TFCP2: variants seen among roughly 807,000 people sequenced by gnomAD.
TFCP2 encodes the protein alpha-globin transcription factor CP2.
TFCP2 carries 33 observed loss-of-function variants against 73.4 expected under a neutral mutation model. The ratio of observed to expected loss-of-function variants is 0.45; its 90% CI spans 0.34 to 0.60. The LOEUF (loss-of-function observed/expected upper bound fraction) is 0.60, where lower values mean the gene tolerates loss of function less well. TFCP2 is among the 20% of genes least tolerant of loss of function. The probability of loss-of-function intolerance (pLI) is 0.01; values close to 1 mark genes in which losing one functional copy is unlikely to be tolerated. For synonymous variants in TFCP2, 193 were observed against 211.6 expected, an observed-to-expected ratio of 0.91 and a Z score of 0.76; for missense variants, 352 against 604.0, an observed-to-expected ratio of 0.58 and a Z score of 4.37.
At chr12:51,148,982 G>A (rs1174656047) in intron 1 of TFCP2, among the ~76,000 whole-genome samples, 15 of 117,936 alleles carry the variant, frequency 1.3e-4, no homozygotes, top group Non-Finnish European at 2.5e-4. Flanking sequence ...CCAAGACTGC[G>A]CTGCTGCACT....
chr12:51,120,734 G>C (rs1051919197), intron 1 of TFCP2, among the ~76,000 whole-genome samples: 7 of 151,842 alleles, frequency 4.6e-5, no homozygotes, highest in Non-Finnish European at 8.8e-5. Context: ...TTCAAGACCA[G>C]CTTGGCCAAC....
intron 2 of TFCP2, among the ~76,000 whole-genome samples, chr12:51,118,037 A>G (rs1421358371): frequency 6.6e-6 from 1 of 152,230 alleles, no homozygotes; most frequent in Non-Finnish European, 1.5e-5. Context: ...TTGGTAAATA[A>G]TAGAGCCAGG....
intron 1 of TFCP2, chr12:51,124,949 C>T (rs746633217): frequency 3.9e-6 from 3 of 763,486 alleles, no homozygotes; most frequent in Non-Finnish European, 2.4e-6. Context: ...CTGCTTGCTC[C>T]GTAAGGTCGT....
intron 12 of TFCP2, among the ~76,000 whole-genome samples, chr12:51,099,217 G>C (rs1303494618): frequency 1.3e-5 from 2 of 152,172 alleles, no homozygotes; most frequent in African/African-American, 4.8e-5. Flanking sequence ...TGGGTGTAGT[G>C]GTTTACACCT....
rs759066371 is a variant in TFCP2 at position 51,098,758 on chromosome 12, C to G, written c.1419+18G>C. The stretch of plus-strand genomic sequence containing the variant: ...AATTAATCATCATCTGGTAATTCAA[C>G]TGTACTGAAAAATCTACCTCATCAC... On this transcript the variant is annotated intron_variant, in intron 13 of 14. Transcript: ENST00000257915. 7 of 1,613,706 alleles carry G rather than the reference C, an allele frequency of 4.3e-6. No homozygotes were observed. Among genetic ancestry groups the G allele is most frequent in the Non-Finnish European group, 5.9e-6 (7 of 1,179,842 alleles).
chr12:51,107,111 C>G, intron 7 of TFCP2, 125 bp downstream of exon 7: 1 of 788,318 alleles, frequency 1.3e-6, no homozygotes, highest in Non-Finnish European at 2.1e-6. Flanking sequence ...CCGCTGGACA[C>G]AGAATCCATG....
intron 13 of TFCP2, among the ~76,000 whole-genome samples, chr12:51,096,555 A>G (rs566401437): frequency 6.6e-6 from 1 of 152,354 alleles, no homozygotes; most frequent in African/African-American, 2.4e-5. Flanking sequence ...GGTGAACGCT[A>G]ATAACTGAGC....
chr12:51,150,540 C>T (rs1157413163), intron 1 of TFCP2, among the ~76,000 whole-genome samples: 1 of 152,110 alleles, frequency 6.6e-6, no homozygotes, highest in Non-Finnish European at 1.5e-5. Flanking sequence ...TCTAAATACA[C>T]TGTCCATCAT....
chr12:51,104,184 GGT>G lies in TFCP2; in HGVS notation c.935_936del (p.His312ProfsTer11). On this transcript the variant is annotated frameshift_variant, in exon 9 of 15. Coordinates refer to ENST00000257915, the MANE Select transcript of TFCP2 (RefSeq NM_005653.5). LOFTEE classifies it high-confidence loss of function. ...GTGACTGGAGGGGGTGGCTCTGGCT[GGT>G]GGTTTGGTGAACCATTTCTAAAGAA... ...SLGEGNGSPN[H>X]QPEPPPPVTD... The G allele has an allele frequency of 6.2e-7, 1 of 1,613,984 alleles. No individual in the cohort carries two copies. Among genetic ancestry groups the G allele is most frequent in the Non-Finnish European group, 8.5e-7 (1 of 1,179,968 alleles).
At chr12:51,118,261 A>G (rs1940579591) in intron 2 of TFCP2, among the ~76,000 whole-genome samples, 1 of 152,214 alleles carries the variant, frequency 6.6e-6, no homozygotes, top group South Asian at 2.1e-4. Flanking sequence ...TACCTAATAA[A>G]ACATCATAAA....
chr12:51,100,447 C>T (rs1940082650), intron 11 of TFCP2, among the ~76,000 whole-genome samples: 1 of 152,158 alleles, frequency 6.6e-6, no homozygotes, highest in South Asian at 2.1e-4. Context: ...AATTATTTTT[C>T]CACAAGTCAT....
Position 51,132,357 on chromosome 12 carries a change from C to CTTTT in TFCP2, c.123-13589_123-13586dup, listed in dbSNP as rs869123355. Among the ~76,000 whole-genome samples the CTTTT allele has an allele frequency of 1.1e-3, 65 of 61,786 alleles. 18 individuals carry two copies. The highest frequency in any genetic ancestry group is 4.1e-3 in the Admixed American group (15 of 3,672). 40.5% of individuals were successfully genotyped at this position (61,786 alleles called of 152,430 possible). A position where few individuals can be genotyped will look rare whatever the true frequency, so the allele number is the denominator to read the frequency against. On this transcript the variant is annotated intron_variant, in intron 1 of 14. Transcript: ENST00000257915. Reference sequence around the variant, plus strand: ...TGCAAGTTCTGGTTTAGGGATTAGTCTTTTTTTTTTTTTTTTTTTTTTTTT... The same window carrying CTTTT: ...TGCAAGTTCTGGTTTAGGGATTAGTCTTTTTTTTTTTTTTTTTTTTTTTTTTTTT...
At chr12:51,102,603 G>A (rs1400257506) in intron 10 of TFCP2, among the ~76,000 whole-genome samples, 2 of 152,046 alleles carry the variant, frequency 1.3e-5, no homozygotes, top group Admixed American at 6.6e-5. Context: ...GTGGGTGCCT[G>A]TAATCCCAGC....
At chr12:51,129,643 T>C (rs1940896113) in intron 1 of TFCP2, among the ~76,000 whole-genome samples, 1 of 152,122 alleles carries the variant, frequency 6.6e-6, no homozygotes, top group Non-Finnish European at 1.5e-5. Flanking sequence ...TTTAGTTCTG[T>C]TCTGTAAAGA....
At chr12:51,139,340 C>T (rs550269333) in intron 1 of TFCP2, among the ~76,000 whole-genome samples, 26 of 152,238 alleles carry the variant, frequency 1.7e-4, no homozygotes, top group Non-Finnish European at 3.7e-4. Flanking sequence ...AGTCTCATCT[C>T]TCACCATACT....
intron 1 of TFCP2, chr12:51,125,066 C>T (rs768666295): frequency 1.3e-6 from 1 of 753,400 alleles, no homozygotes; most frequent in Non-Finnish European, 2.5e-6. Flanking sequence ...TCAGCACAGG[C>T]TCATCATAGT....
At chr12:51,124,777 T>C (rs1211749741) in intron 1 of TFCP2, 1 of 805,370 alleles carries the variant, frequency 1.2e-6, no homozygotes, top group Non-Finnish European at 2.2e-6. Context: ...TCAACCTTTT[T>C]CTGCTGCTCA....
chr12:51,098,518 CG>C (rs899082472), intron 13 of TFCP2, among the ~76,000 whole-genome samples: 2 of 151,578 alleles, frequency 1.3e-5, no homozygotes, highest in Admixed American at 1.3e-4. Flanking sequence ...TCCCACTATT[CG>C]GGAAGCTGAG....
At chr12:51,161,250 C>A (rs1475021742) in intron 1 of TFCP2, among the ~76,000 whole-genome samples, 1 of 151,984 alleles carries the variant, frequency 6.6e-6, no homozygotes, top group Non-Finnish European at 1.5e-5. Context: ...TCGTAAGTAA[C>A]AACAGTAATC....
Sources: allele counts gnomAD v4.1 joint callset (sites outside exome capture counted in the v4.1 genomes callset), GRCh38; gene constraint gnomAD v4.1.1; transcripts MANE v1.5; gene names NCBI Gene and HGNC (gene_info 2026-07-23, HGNC 2026-07-21).